Variants in ATP9B observed in about 807,000 individuals in gnomAD.
The protein encoded by ATP9B is probable phospholipid-transporting ATPase IIB.
Under a neutral mutation model 146.1 loss-of-function variants are expected in ATP9B, and 110 were observed. The observed-to-expected ratio is 0.75, with a 90% CI of 0.65 to 0.88. The LOEUF is 0.88. ATP9B is among the 40% of genes least tolerant of loss of function. The probability of loss-of-function intolerance (pLI) is 0.00; values close to 1 mark genes in which losing one functional copy is unlikely to be tolerated. For synonymous variants in ATP9B, 604 were observed against 569.7 expected (o/e 1.06, Z -0.86); for missense variants, 1,499 against 1,496.4 (o/e 1.00, Z -0.03).
At chr18:79,116,940 T>TAAAAAAAAAAAAAAAAAAAAAAAATA (rs377608135) in intron 4 of ATP9B, among the ~76,000 whole-genome samples, 1 of 106,794 alleles carries the variant, frequency 9.4e-6, no homozygotes, top group Non-Finnish European at 1.9e-5. Context: ...AAAAAAAAAT[T>TAAAAAAAAAAAAAAAAAAAAAAAATA]AAAAAAAAAA....
At chr18:79,274,435 G>C (rs999258285) in intron 12 of ATP9B, among the ~76,000 whole-genome samples, 1 of 152,118 alleles carries the variant, frequency 6.6e-6, no homozygotes, top group African/African-American at 2.4e-5. Context: ...TGCTCCCGAT[G>C]TGTTGTTATA....
intron 7 of ATP9B, among the ~76,000 whole-genome samples, chr18:79,171,295 T>C (rs1299168458): frequency 6.6e-6 from 1 of 152,214 alleles, no homozygotes; most frequent in Non-Finnish European, 1.5e-5. Context: ...AGACTGTTCA[T>C]GTTTGAGAAA....
intron 5 of ATP9B, among the ~76,000 whole-genome samples, chr18:79,140,734 C>T (rs753067457): frequency 1.3e-5 from 2 of 152,038 alleles, no homozygotes; most frequent in Admixed American, 6.5e-5. Context: ...GAGTCGAAAT[C>T]GCACCACTGC....
intron 1 of ATP9B, among the ~76,000 whole-genome samples, chr18:79,071,076 T>G (rs2071705138): frequency 6.7e-6 from 1 of 149,938 alleles, no homozygotes; most frequent in Non-Finnish European, 1.5e-5. Context: ...TGCCACTTTT[T>G]GGGTTACTTG....
chr18:79,241,264 TC>T (rs2095885587), intron 11 of ATP9B, among the ~76,000 whole-genome samples: 1 of 152,120 alleles, frequency 6.6e-6, no homozygotes, highest in Non-Finnish European at 1.5e-5. Flanking sequence ...GATGGGTTTG[TC>T]CCGTGTGAGA....
chr18:79,339,565 T>C (rs973026861), intron 19 of ATP9B, among the ~76,000 whole-genome samples: 2 of 150,798 alleles, frequency 1.3e-5, no homozygotes, highest in African/African-American at 4.9e-5. Flanking sequence ...GGAAGTGTCA[T>C]GATCGCAGTA....
intron 17 of ATP9B, among the ~76,000 whole-genome samples, chr18:79,332,273 C>CA (rs1324614506): frequency 1.3e-5 from 2 of 152,016 alleles, no homozygotes; most frequent in South Asian, 2.1e-4. Flanking sequence ...ACTAAAAATA[C>CA]AAAAAATTAG....
intron 8 of ATP9B, among the ~76,000 whole-genome samples, chr18:79,185,947 G>A (rs147245513): frequency 6.6e-6 from 1 of 152,196 alleles, no homozygotes; most frequent in Admixed American, 6.5e-5. Context: ...TATTCTCAGA[G>A]AATTAAAATT....
chr18:79,185,676 T>C (rs2095301274), intron 8 of ATP9B, among the ~76,000 whole-genome samples: 1 of 152,250 alleles, frequency 6.6e-6, no homozygotes, highest in African/African-American at 2.4e-5. Flanking sequence ...AAGAAAGCTC[T>C]GATTTCATTA....
Position 79,069,462 on chromosome 18 carries a change from G to T in ATP9B, c.52G>T (p.Ala18Ser). 1 of 1,509,526 alleles carries T rather than the reference G, an allele frequency of 6.6e-7. No homozygotes were observed. The highest frequency in any genetic ancestry group is 8.8e-7 in the Non-Finnish European group (1 of 1,132,052). The allele number at this position is 1,509,526 out of a possible 1,614,324, so 93.5% of individuals were successfully genotyped here. ...YPVRSAAAAAANRKRAAYYSA... is the reference protein window; with the variant it reads ...YPVRSAAAAASNRKRAAYYSA... Reference sequence around the variant, plus strand: ...GGTGCGTAGCGCAGCGGCGGCCGCAGCCAACCGCAAACGCGCGGCCTACTA... The same window carrying T: ...GGTGCGTAGCGCAGCGGCGGCCGCATCCAACCGCAAACGCGCGGCCTACTA... Residue 18 changes from alanine to serine, a missense_variant, in exon 1 of 30, where the codon GCC (alanine) becomes TCC (serine). Ala to Ser is a moderately conservative substitution (Grantham distance 99). Transcript: ENST00000426216.
At chr18:79,221,629 G>A (rs1432113241) in intron 11 of ATP9B, among the ~76,000 whole-genome samples, 1 of 152,170 alleles carries the variant, frequency 6.6e-6, no homozygotes, top group African/African-American at 2.4e-5. Context: ...GCTGACGTGG[G>A]AGGATCACCT....
At chr18:79,351,439 G>A (rs1028529184) in intron 25 of ATP9B, among the ~76,000 whole-genome samples, 1 of 152,236 alleles carries the variant, frequency 6.6e-6, no homozygotes, top group African/African-American at 2.4e-5. Flanking sequence ...ATTGGGTTAG[G>A]TGGGAGCTTT....
intron 8 of ATP9B, among the ~76,000 whole-genome samples, chr18:79,179,887 T>A (rs1282592617): frequency 6.6e-6 from 1 of 152,228 alleles, no homozygotes; most frequent in Non-Finnish European, 1.5e-5. Flanking sequence ...ACTTTTAAGA[T>A]CCCATACCTT....
chr18:79,193,134 T>G, intron 8 of ATP9B, 49 bp from the exon 9 acceptor site: 1 of 1,355,914 alleles, frequency 7.4e-7, no homozygotes, highest in Non-Finnish European at 1.0e-6. Flanking sequence ...TTCCAAGTAA[T>G]TTTACTAAAC....
chr18:79,355,295 A>G (rs1276705153), intron 25 of ATP9B, among the ~76,000 whole-genome samples: 1 of 152,264 alleles, frequency 6.6e-6, no homozygotes, highest in Non-Finnish European at 1.5e-5. Flanking sequence ...GACAGTCAAT[A>G]GAAGCCAGCC....
chr18:79,098,871 A>G (rs2075033013), intron 2 of ATP9B, among the ~76,000 whole-genome samples: 1 of 152,078 alleles, frequency 6.6e-6, no homozygotes, highest in African/African-American at 2.4e-5. Context: ...CATTCCATTG[A>G]CATTTTTGAA....
At chr18:79,187,997 G>T (rs897458557) in intron 8 of ATP9B, among the ~76,000 whole-genome samples, 2 of 152,036 alleles carry the variant, frequency 1.3e-5, no homozygotes, top group African/African-American at 2.4e-5. Context: ...AAGAGATCTG[G>T]CAGGCAAGAG....
intron 6 of ATP9B, among the ~76,000 whole-genome samples, chr18:79,151,359 T>C (rs72992360): frequency 0.067 from 10,256 of 152,268 alleles, 416 homozygotes; most frequent in Non-Finnish European, 0.095. Context: ...CCATGTTCTT[T>C]ATGAGATACA....
At chr18:79,235,348 T>C (rs1280113364) in intron 11 of ATP9B, among the ~76,000 whole-genome samples, 1 of 152,256 alleles carries the variant, frequency 6.6e-6, no homozygotes, top group Non-Finnish European at 1.5e-5. Flanking sequence ...CATAGAGCAA[T>C]ATAAACTAGA....
Sources: gnomAD v4.1 joint callset for allele counts (sites outside exome capture counted in the v4.1 genomes callset) on GRCh38, gnomAD v4.1.1 for gene constraint, MANE v1.5 for transcripts, NCBI Gene and HGNC (gene_info 2026-07-23, HGNC 2026-07-21) for gene names.